MEIOB: variants seen among roughly 807,000 people sequenced by gnomAD.
MEIOB encodes the protein meiosis-specific with OB domain-containing protein.
A neutral mutation model predicts 53.1 loss-of-function variants in MEIOB; 50 were observed. The ratio of observed to expected loss-of-function variants is 0.94; its 90% CI spans 0.75 to 1.19. MEIOB has a LOEUF of 1.19. Among genes scored for constraint, MEIOB ranks in the 50% most tolerant of loss-of-function variants. MEIOB has a pLI of 0.00. For synonymous variants in MEIOB, 192 were observed against 182.5 expected, an observed-to-expected ratio of 1.05 and a Z score of -0.42; for missense variants, 551 against 550.8, an observed-to-expected ratio of 1.00 and a Z score of 0.00.
At chr16:1,842,144 A>G (rs754614223) in intron 10 of MEIOB, among the ~76,000 whole-genome samples, 171 bp from the exon 11 acceptor site, 1 of 152,224 alleles carries the variant, frequency 6.6e-6, no homozygotes, top group Non-Finnish European at 1.5e-5. Context: ...AAAGCAAAAC[A>G]TAAGGAAAAA....
chr16:1,870,214 C>T (rs1036673612), intron 1 of MEIOB, among the ~76,000 whole-genome samples: 3 of 152,166 alleles, frequency 2.0e-5, no homozygotes, highest in Non-Finnish European at 2.9e-5. Context: ...CATAGTAAAA[C>T]TACATGAGGG....
intron 11 of MEIOB, among the ~76,000 whole-genome samples, chr16:1,840,564 GAC>G (rs79990204): frequency 0.17 from 25,125 of 143,798 alleles, 2,263 homozygotes; most frequent in South Asian, 0.28. Context: ...TTTTTTTTGA[GAC>G]ACAGTCTCGC....
chr16:1,864,781 C>T (rs1318471006), intron 3 of MEIOB, among the ~76,000 whole-genome samples: 1 of 151,982 alleles, frequency 6.6e-6, no homozygotes, highest in East Asian at 1.9e-4. Flanking sequence ...ACCACTGTGC[C>T]TGGCAAAAAA....
intron 7 of MEIOB, 73 bp from the exon 8 acceptor site, chr16:1,853,344 A>G: frequency 1.6e-6 from 2 of 1,218,130 alleles, no homozygotes; most frequent in Non-Finnish European, 2.3e-6. Flanking sequence ...ATTATTTACA[A>G]CAATAAAAGA....
intron 4 of MEIOB, 106 bp downstream of exon 4, chr16:1,861,879 G>A: frequency 8.5e-7 from 1 of 1,177,262 alleles, no homozygotes; most frequent in East Asian, 2.6e-5. Context: ...AAGTTCTTGA[G>A]AATTACGAAC....
In MEIOB at chr16:1,858,353, G is replaced by A. The variant is rs375540410; in HGVS notation, c.333-423C>T. On this transcript the variant is annotated intron_variant, in intron 5 of 13. Transcript: ENST00000325962. The stretch of plus-strand genomic sequence containing the variant: ...TCCTACCCCTACTGAGCTCTGCATG[G>A]AGCAGACGCAGAACACTGGCACAGT... 1.1e-4 allele frequency among the ~76,000 whole-genome samples: 17 copies of A among 152,266 alleles called. No homozygotes were observed. In the East Asian group the frequency reaches 2.1e-3, roughly 19 times the overall value.
In MEIOB at chr16:1,860,494, T is replaced by C; in HGVS notation, c.260-19A>G. The stretch of plus-strand genomic sequence containing the variant: ...ATTATCACTAAAACAGAGGGCAAAG[T>C]ATGATGATATTACAAAACAGTAACA... On this transcript the variant is annotated intron_variant, in intron 4 of 13. Transcript: ENST00000325962. 7.3e-7 allele frequency: 1 copy of C among 1,377,558 alleles called. No homozygotes were observed. The highest frequency in any genetic ancestry group is 1.2e-5 in the South Asian group (1 of 80,148). 85.3% of individuals were successfully genotyped at this position (1,377,558 alleles called of 1,614,324 possible). A position where few individuals can be genotyped will look rare whatever the true frequency, so the allele number is the denominator to read the frequency against.
chr16:1,834,371 G>A lies in MEIOB; in HGVS notation c.1306-5C>T, dbSNP rs188233779. On this transcript the variant is annotated splice_polypyrimidine_tract_variant and splice_region_variant and intron_variant, in intron 13 of 13. Coordinates refer to ENST00000325962, the MANE Select transcript of MEIOB (RefSeq NM_001163560.3). ...TGCTCTGTGTGATAGAACGAACTGC[G>A]AGGAGAAACAGAAAAAGAGACAAAA... 6,973 of 1,484,288 alleles carry A rather than the reference G, an allele frequency of 4.7e-3. 30 individuals carry two copies. The highest frequency in any genetic ancestry group is 5.4e-3 in the South Asian group (452 of 84,360). 91.9% of individuals were successfully genotyped at this position (1,484,288 alleles called of 1,614,324 possible). A position where few individuals can be genotyped will look rare whatever the true frequency, so the allele number is the denominator to read the frequency against.
chr16:1,853,418 C>A, intron 7 of MEIOB, 147 bp from the exon 8 acceptor site: 1 of 628,268 alleles, frequency 1.6e-6, no homozygotes, highest in South Asian at 2.0e-5. Flanking sequence ...CTTAAGCATG[C>A]CAGCTTCCTC....
intron 3 of MEIOB, among the ~76,000 whole-genome samples, chr16:1,863,230 C>G (rs915045225): frequency 2.0e-5 from 3 of 152,026 alleles, no homozygotes; most frequent in Non-Finnish European, 4.4e-5. Context: ...GAAATGTACA[C>G]CCAGGCTGGA....
chr16:1,840,588 G>A (rs1215712299), intron 11 of MEIOB, among the ~76,000 whole-genome samples: 2 of 150,864 alleles, frequency 1.3e-5, no homozygotes, highest in Non-Finnish European at 2.9e-5. Context: ...CTGTCGCCCA[G>A]GATGGAGTGC....
chr16:1,860,268 T>C, intron 5 of MEIOB, 135 bp downstream of exon 5: 1 of 511,606 alleles, frequency 2.0e-6, no homozygotes. Flanking sequence ...AAGATGAATT[T>C]TGTAAGAGAA....
At chr16:1,866,620 G>T (rs2974853) in intron 2 of MEIOB, among the ~76,000 whole-genome samples, 1 of 151,860 alleles carries the variant, frequency 6.6e-6, no homozygotes, top group African/African-American at 2.4e-5. Context: ...TACTCGCGAG[G>T]CTGAGGCAGG....
At position 1,839,456 on chromosome 16, in the gene MEIOB, C is replaced by G. The variant is rs1196646011; in HGVS notation, c.1035-18G>C. Reference sequence around the variant, plus strand: ...AGCTGGAACTGAAAAGAAACAAAGACAATGATAAAATGTGATGCCCTAAGC... The same window carrying G: ...AGCTGGAACTGAAAAGAAACAAAGAGAATGATAAAATGTGATGCCCTAAGC... On this transcript the variant is annotated intron_variant, in intron 11 of 13. Transcript: ENST00000325962. 1 of 1,593,730 alleles carries G rather than the reference C, an allele frequency of 6.3e-7. No individual in the cohort carries two copies. Among genetic ancestry groups the G allele is most frequent in the Non-Finnish European group, 8.5e-7 (1 of 1,171,028 alleles).
intron 6 of MEIOB, among the ~76,000 whole-genome samples, chr16:1,855,931 C>CTTTTTTTTTTTTTTTT (rs34688365): frequency 7.6e-6 from 1 of 131,276 alleles, no homozygotes; most frequent in African/African-American, 2.8e-5. Context: ...GTGTTTTTTC[C>CTTTTTTTTTTTTTTTT]TTTTTTTTTT....
chr16:1,852,912 T>C, intron 9 of MEIOB, 127 bp downstream of exon 9: 1 of 642,000 alleles, frequency 1.6e-6, no homozygotes, highest in Non-Finnish European at 2.6e-6. Context: ...AAAAGTTATA[T>C]AAAGCAATTT....
chr16:1,862,963 C>T (rs1027908233), intron 3 of MEIOB, among the ~76,000 whole-genome samples: 1 of 151,750 alleles, frequency 6.6e-6, no homozygotes, highest in Non-Finnish European at 1.5e-5. Context: ...GGCACAACAG[C>T]TTACCCCTGT....
chr16:1,854,178 G>A lies in MEIOB; in HGVS notation c.551C>T (p.Thr184Ile). ...VKSVGEPKYFTTSDRRKGQRC... is the reference protein window; with the variant it reads ...VKSVGEPKYFITSDRRKGQRC... ...CTGGCCTTTTCTCCGGTCTGAAGTT[G>A]TAAAGTATTTTGGCTCTCCAACCTT... The change falls in exon 7 of 14, where the codon ACA (threonine) becomes ATA (isoleucine). Residue 184 changes from threonine (T) to isoleucine (I), a missense_variant. Thr to Ile is a moderately conservative substitution (Grantham distance 89). Coordinates refer to ENST00000325962, the MANE Select transcript of MEIOB (RefSeq NM_001163560.3). 6.5e-7 allele frequency: 1 copy of A among 1,548,982 alleles called. No homozygotes were observed. The highest frequency in any genetic ancestry group is 8.7e-7 in the Non-Finnish European group (1 of 1,144,904).
At chr16:1,869,210 C>T (rs1242550843) in intron 1 of MEIOB, among the ~76,000 whole-genome samples, 2 of 152,012 alleles carry the variant, frequency 1.3e-5, no homozygotes, top group Non-Finnish European at 2.9e-5. Flanking sequence ...CCACAACATC[C>T]GCCTCCCAGG....
Sources: gnomAD v4.1 joint callset for allele counts (sites outside exome capture counted in the v4.1 genomes callset) on GRCh38, gnomAD v4.1.1 for gene constraint, MANE v1.5 for transcripts, NCBI Gene and HGNC (gene_info 2026-07-23, HGNC 2026-07-21) for gene names.